PDLIM5: variants seen among roughly 807,000 people sequenced by gnomAD.
The protein encoded by PDLIM5 is PDZ and LIM domain protein 5.
A neutral mutation model predicts 64.2 loss-of-function variants in PDLIM5; 34 were observed. The ratio of observed to expected loss-of-function variants is 0.53; its 90% CI spans 0.40 to 0.71. The LOEUF (loss-of-function observed/expected upper bound fraction) is 0.71, where lower values mean the gene tolerates loss of function less well. PDLIM5 is among the 30% of genes least tolerant of loss of function. The pLI is 0.00. For missense variants in PDLIM5, 683 were observed against 733.6 expected (o/e 0.93, Z 0.80); for synonymous variants, 253 against 269.1 (o/e 0.94, Z 0.59).
At chr4:94,592,809 G>A (rs1312639364) in intron 7 of PDLIM5, among the ~76,000 whole-genome samples, 1 of 152,052 alleles carries the variant, frequency 6.6e-6, no homozygotes, top group Non-Finnish European at 1.5e-5. Context: ...TGTAAAGGCA[G>A]GATTTTGCCA....
chr4:94,482,459 C>T (rs1256898558), intron 2 of PDLIM5, among the ~76,000 whole-genome samples: 4 of 151,972 alleles, frequency 2.6e-5, no homozygotes, highest in East Asian at 1.9e-4. Context: ...TCATCATTTT[C>T]GCTTTTTTAT....
Position 94,664,965 on chromosome 4 carries a change from A to C in PDLIM5, c.*898A>C. The C allele has an allele frequency of 1.0e-6, 1 of 981,634 alleles. No homozygotes were observed. 60.8% of individuals were successfully genotyped at this position (981,634 alleles called of 1,614,324 possible). A position where few individuals can be genotyped will look rare whatever the true frequency, so the allele number is the denominator to read the frequency against. On this transcript the variant is annotated 3_prime_UTR_variant, in exon 13 of 13. Coordinates refer to ENST00000317968, the MANE Select transcript of PDLIM5 (RefSeq NM_006457.5). ...ATTTTTTATCAAAATGTGTCATGCC[A>C]GTAAGAGATGTTATATTCTTTTCTC...
intron 2 of PDLIM5, among the ~76,000 whole-genome samples, chr4:94,482,552 G>A (rs1725962988): frequency 6.6e-6 from 1 of 152,038 alleles, no homozygotes; most frequent in Non-Finnish European, 1.5e-5. Context: ...TTTAAAATTA[G>A]TTACTGTAAT....
intron 7 of PDLIM5, chr4:94,587,803 A>G: frequency 1.2e-5 from 11 of 901,042 alleles, no homozygotes; most frequent in Non-Finnish European, 1.5e-5. Context: ...TCTAGTGGAT[A>G]TTTTTAGAAT....
At chr4:94,633,435 G>T (rs1390110021) in intron 8 of PDLIM5, among the ~76,000 whole-genome samples, 3 of 152,150 alleles carry the variant, frequency 2.0e-5, no homozygotes, top group African/African-American at 7.2e-5. Flanking sequence ...TGCTGAAACT[G>T]TCCCATCTAC....
chr4:94,602,217 A>G (rs930150905), intron 7 of PDLIM5, among the ~76,000 whole-genome samples: 5 of 152,052 alleles, frequency 3.3e-5, no homozygotes, highest in Admixed American at 2.0e-4. Context: ...TCACTAGTCT[A>G]TTTGATCATT....
intron 8 of PDLIM5, among the ~76,000 whole-genome samples, chr4:94,634,566 A>G (rs933859959): frequency 2.6e-5 from 4 of 152,212 alleles, no homozygotes; most frequent in African/African-American, 4.8e-5. Flanking sequence ...CGCATAGTGT[A>G]TGTCGGTAGT....
At chr4:94,616,294 A>G (rs763865042) in intron 7 of PDLIM5, among the ~76,000 whole-genome samples, 14 of 152,216 alleles carry the variant, frequency 9.2e-5, no homozygotes, top group Non-Finnish European at 1.9e-4. Flanking sequence ...GTTGAAAATA[A>G]GGCTTACTTT....
At chr4:94,653,517 C>T (rs1299669457) in intron 9 of PDLIM5, among the ~76,000 whole-genome samples, 1 of 151,762 alleles carries the variant, frequency 6.6e-6, no homozygotes, top group Admixed American at 6.6e-5. Context: ...CCCATCTTAT[C>T]AGTTCATGAC....
intron 7 of PDLIM5, among the ~76,000 whole-genome samples, chr4:94,591,545 CAG>C (rs1368461054): frequency 8.6e-5 from 13 of 151,998 alleles, no homozygotes; most frequent in African/African-American, 3.1e-4. Context: ...CAGCTGCAGA[CAG>C]TCCCTCTTCA....
At chr4:94,639,275 G>A (rs180947132) in intron 8 of PDLIM5, among the ~76,000 whole-genome samples, 1 of 152,116 alleles carries the variant, frequency 6.6e-6, no homozygotes, top group East Asian at 1.9e-4. Context: ...GAGACCACTG[G>A]GGGGATTTGT....
chr4:94,519,734 A>G (rs918286202), intron 2 of PDLIM5, among the ~76,000 whole-genome samples: 2 of 152,184 alleles, frequency 1.3e-5, no homozygotes, highest in East Asian at 1.9e-4. Flanking sequence ...GTAAAACACT[A>G]TATGAGAGGA....
At chr4:94,573,326 TC>T in intron 3 of PDLIM5, 24 bp from the exon 4 acceptor site, 2 of 1,590,810 alleles carry the variant, frequency 1.3e-6, no homozygotes, top group Admixed American at 1.7e-5. Context: ...ATTTTTTTTT[TC>T]TTTTTCTTTC....
At chr4:94,549,299 C>T (rs996824972) in intron 3 of PDLIM5, among the ~76,000 whole-genome samples, 3 of 152,004 alleles carry the variant, frequency 2.0e-5, no homozygotes, top group Non-Finnish European at 2.9e-5. Flanking sequence ...TTCTCTGTCT[C>T]GATGTATGCA....
At chr4:94,594,774 T>C (rs1343753252) in intron 7 of PDLIM5, among the ~76,000 whole-genome samples, 1 of 152,192 alleles carries the variant, frequency 6.6e-6, no homozygotes, top group Admixed American at 6.5e-5. Context: ...TATTTTAGTT[T>C]AGCAAAAGGA....
intron 3 of PDLIM5, among the ~76,000 whole-genome samples, chr4:94,546,850 A>T (rs1281953878): frequency 6.6e-6 from 1 of 151,258 alleles, no homozygotes; most frequent in Non-Finnish European, 1.5e-5. Flanking sequence ...ACCTTTTTCA[A>T]CCTGAATATT....
rs1361256714 is a variant in PDLIM5 at position 94,554,414 on chromosome 4, C to T, written c.249-18937C>T. ...AAAACAAGCATATTTTGATAGATAT[C>T]CATCTAGTCGTTTTTCTCTTCATAT... On this transcript the variant is annotated intron_variant, in intron 3 of 12. Transcript: ENST00000317968. Among the ~76,000 whole-genome samples the T allele has an allele frequency of 6.6e-5, 10 of 152,300 alleles. No individual in the cohort carries two copies. The East Asian group carries it at 1.9e-3, about 29-fold the overall frequency.
At chr4:94,506,714 A>G (rs1232103338) in intron 2 of PDLIM5, among the ~76,000 whole-genome samples, 1 of 152,176 alleles carries the variant, frequency 6.6e-6, no homozygotes, top group African/African-American at 2.4e-5. Context: ...TTAGGTGTCA[A>G]CTTGGTTGGA....
intron 3 of PDLIM5, among the ~76,000 whole-genome samples, chr4:94,562,146 C>G (rs1378873831): frequency 1.3e-5 from 2 of 152,130 alleles, no homozygotes; most frequent in African/African-American, 4.8e-5. Context: ...TTTGTGACCC[C>G]TATTAACCAG....
Sources: allele counts gnomAD v4.1 joint callset (sites outside exome capture counted in the v4.1 genomes callset), GRCh38; gene constraint gnomAD v4.1.1; transcripts MANE v1.5; gene names NCBI Gene and HGNC (gene_info 2026-07-23, HGNC 2026-07-21).